The following NCOA7 variants were observed in gnomAD, a reference collection of about 807,000 sequenced individuals.
The protein encoded by NCOA7 is nuclear receptor coactivator 7, also known as 140 kDa estrogen receptor-associated protein.
A neutral mutation model predicts 104.3 loss-of-function variants in NCOA7; 45 were observed. The observed-to-expected ratio is 0.43, with a 90% confidence interval of 0.34 to 0.55. NCOA7 has a LOEUF of 0.55. Ranked by LOEUF, NCOA7 falls within the 20% of genes least tolerant of loss-of-function variation. The pLI, the probability that NCOA7 is intolerant of heterozygous loss-of-function variation, is 0.02. For missense variants in NCOA7, 1,041 were observed against 1,119.7 expected, an observed-to-expected ratio of 0.93 and a Z score of 1.00; for synonymous variants, 398 against 402.3, an observed-to-expected ratio of 0.99 and a Z score of 0.13.
At chr6:125,878,764 G>A (rs1783589123) in intron 5 of NCOA7, among the ~76,000 whole-genome samples, 1 of 152,168 alleles carries the variant, frequency 6.6e-6, no homozygotes, top group Non-Finnish European at 1.5e-5. Flanking sequence ...ATTGCTGTAT[G>A]GTTAAGAACT....
At chr6:125,912,038 C>T (rs984211020) in intron 10 of NCOA7, among the ~76,000 whole-genome samples, 1 of 152,230 alleles carries the variant, frequency 6.6e-6, no homozygotes, top group Non-Finnish European at 1.5e-5. Flanking sequence ...GTAAAACTTT[C>T]TACTGATAAT....
Position 125,876,670 on chromosome 6 carries a change from G to GTT in NCOA7, c.352-1592_352-1591insTT, listed in dbSNP as rs1459815798. Among the ~76,000 whole-genome samples, 4 of 151,892 alleles carry GTT rather than the reference G, an allele frequency of 2.6e-5. No homozygotes were observed. In the East Asian group the frequency reaches 7.7e-4, roughly 29 times the overall value. On this transcript the variant is annotated intron_variant, in intron 4 of 15. Coordinates refer to ENST00000392477, the MANE Select transcript of NCOA7 (RefSeq NM_181782.5). ...ACAAGTGATCAAGTCAATAATGCAG[G>GTT]TATGCCTACCTCTCTGTTTCATGTT...
chr6:125,814,172 TG>T (rs1777352664), intron 1 of NCOA7, among the ~76,000 whole-genome samples: 2 of 152,212 alleles, frequency 1.3e-5, no homozygotes, highest in Admixed American at 1.3e-4. Context: ...AATTTTTTTT[TG>T]AGACAGAGTC....
chr6:125,889,572 A>G lies in NCOA7; in HGVS notation c.1518A>G (p.Arg506=). Residue 506 remains arginine, a synonymous_variant, in exon 9 of 16, where the codon CGA becomes CGG. Transcript: ENST00000392477. ...VDKQSGSPES[R]VENTLNIHED... ...AGCAGTCTGGTTCGCCAGAAAGCCGAGTAGAAAACACACTGAACATACATG... is the reference window on the plus strand; with the variant it reads ...AGCAGTCTGGTTCGCCAGAAAGCCGGGTAGAAAACACACTGAACATACATG... 6.2e-7 allele frequency: 1 copy of G among 1,614,080 alleles called. No individual in the cohort carries two copies. The highest frequency in any genetic ancestry group is 2.2e-5 in the East Asian group (1 of 44,844).
At chr6:125,869,756 C>T (rs1412707812) in intron 3 of NCOA7, among the ~76,000 whole-genome samples, 3 of 152,184 alleles carry the variant, frequency 2.0e-5, no homozygotes, top group Non-Finnish European at 2.9e-5. Flanking sequence ...GGAGAAAAAC[C>T]AGGGCTCAAG....
At chr6:125,886,382 A>G (rs768945877) in intron 8 of NCOA7, among the ~76,000 whole-genome samples, 2 of 152,324 alleles carry the variant, frequency 1.3e-5, no homozygotes, top group Non-Finnish European at 2.9e-5. Flanking sequence ...GGCATTCCCT[A>G]CTGAAATAGG....
At chr6:125,844,569 T>A (rs962437072) in intron 2 of NCOA7, among the ~76,000 whole-genome samples, 2 of 152,196 alleles carry the variant, frequency 1.3e-5, no homozygotes, top group Admixed American at 6.5e-5. Context: ...ATTTGGCATA[T>A]AATGGCTCAT....
intron 8 of NCOA7, among the ~76,000 whole-genome samples, chr6:125,886,039 G>T (rs952590289): frequency 3.3e-5 from 5 of 151,784 alleles, no homozygotes; most frequent in African/African-American, 1.2e-4. Flanking sequence ...CTGTCCTTTC[G>T]CTCTACTGTG....
At chr6:125,893,059 T>A (rs1784745575) in intron 10 of NCOA7, among the ~76,000 whole-genome samples, 1 of 152,240 alleles carries the variant, frequency 6.6e-6, no homozygotes, top group Non-Finnish European at 1.5e-5. Flanking sequence ...ATGAAATTCT[T>A]CAGGACTTAA....
chr6:125,854,372 G>A (rs1277774888), intron 2 of NCOA7, among the ~76,000 whole-genome samples: 1 of 152,184 alleles, frequency 6.6e-6, no homozygotes, highest in Non-Finnish European at 1.5e-5. Flanking sequence ...TAAAGAATTT[G>A]TAACATCAAA....
intron 2 of NCOA7, among the ~76,000 whole-genome samples, chr6:125,852,056 A>T (rs1284138569): frequency 6.6e-6 from 1 of 151,658 alleles, no homozygotes; most frequent in African/African-American, 2.4e-5. Flanking sequence ...TACTCTCATG[A>T]TTTCTTTTTC....
rs550837318 is a variant in NCOA7 at position 125,800,511 on chromosome 6, C to T, written c.-65+9444C>T. On this transcript the variant is annotated intron_variant, in intron 1 of 15. Coordinates refer to ENST00000392477, the MANE Select transcript of NCOA7 (RefSeq NM_181782.5). ...CACTAATCTAAATAAAAGGCAAGAC[C>T]TTACCGTTTCATAACCTGAAGTCAG... Among the ~76,000 whole-genome samples, 47 of 152,274 alleles carry T rather than the reference C, an allele frequency of 3.1e-4. No homozygotes were observed. The South Asian group carries it at 9.3e-3, about 30-fold the overall frequency.
intron 3 of NCOA7, among the ~76,000 whole-genome samples, chr6:125,874,441 C>A (rs888897259): frequency 2.0e-5 from 3 of 152,214 alleles, no homozygotes; most frequent in African/African-American, 7.2e-5. Context: ...TGATATATAG[C>A]CTTTTTCTTC....
intron 3 of NCOA7, among the ~76,000 whole-genome samples, chr6:125,871,081 G>A (rs1285929237): frequency 6.6e-6 from 1 of 152,200 alleles, no homozygotes; most frequent in Non-Finnish European, 1.5e-5. Context: ...AATGGCTTCT[G>A]AGGGACACTT....
intron 1 of NCOA7, among the ~76,000 whole-genome samples, chr6:125,805,830 C>A (rs751132677): frequency 6.6e-6 from 1 of 152,178 alleles, no homozygotes; most frequent in Non-Finnish European, 1.5e-5. Context: ...ATTTCATGAA[C>A]ACTTGCATAT....
At chr6:125,829,811 A>T (rs570953279) in intron 2 of NCOA7, among the ~76,000 whole-genome samples, 2 of 152,310 alleles carry the variant, frequency 1.3e-5, no homozygotes, top group South Asian at 2.1e-4. Flanking sequence ...ATCCTAGAAG[A>T]AGTAATTGAG....
At chr6:125,789,669 C>A (rs1227383254), upstream of NCOA7, among the ~76,000 whole-genome samples, 3 of 152,186 alleles carry the variant, frequency 2.0e-5, no homozygotes, top group Non-Finnish European at 2.9e-5. Context: ...GTGCTTAGTG[C>A]AAAACTGGGC....
chr6:125,852,325 A>G (rs1171627457), intron 2 of NCOA7, among the ~76,000 whole-genome samples: 3 of 152,206 alleles, frequency 2.0e-5, no homozygotes, highest in South Asian at 2.1e-4. Flanking sequence ...CCTCCTGAGT[A>G]GCTGGGACTA....
At chr6:125,922,894 T>C (rs1440870169) in intron 13 of NCOA7, 60 bp downstream of exon 13, 10 of 1,501,754 alleles carry the variant, frequency 6.7e-6, no homozygotes, top group African/African-American at 1.4e-5. Flanking sequence ...TTCCCAACAG[T>C]AGAGAGACTA....
Sources: allele counts gnomAD v4.1 joint callset (sites outside exome capture counted in the v4.1 genomes callset), GRCh38; gene constraint gnomAD v4.1.1; transcripts MANE v1.5; gene names NCBI Gene and HGNC (gene_info 2026-07-23, HGNC 2026-07-21).